Variants in SLC10A2 observed in about 807,000 individuals in gnomAD.
SLC10A2 encodes solute carrier family 10 member 2, also known as ileal sodium/bile acid cotransporter.
Under a neutral mutation model 27.1 loss-of-function variants are expected in SLC10A2, and 34 were observed. The ratio of observed to expected loss-of-function variants is 1.26; its 90% confidence interval spans 0.96 to 1.67. The LOEUF (loss-of-function observed/expected upper bound fraction) is 1.67. SLC10A2 is among the 40% of genes most tolerant of loss of function. SLC10A2 has a pLI of 0.00. For synonymous variants in SLC10A2, 205 were observed against 174.0 expected (o/e 1.18, Z -1.40); for missense variants, 530 against 444.4 (o/e 1.19, Z -1.73).
Position 103,046,180 on chromosome 13 carries a change from A to T in SLC10A2, c.1000T>A (p.Ser334Thr), listed in dbSNP as rs1364667924. The T allele has an allele frequency of 6.2e-7, 1 of 1,613,506 alleles. No individual in the cohort carries two copies. Among genetic ancestry groups the T allele is most frequent in the African/African-American group, 1.3e-5 (1 of 74,804 alleles). ...ESKENGTEPESSFYKANGGFQ... is the reference protein window; with the variant it reads ...ESKENGTEPETSFYKANGGFQ... ...CCTCCATTTGCCTTATAAAACGATG[A>T]CTCTGGCTCCGTTCCATTTTCTTTG... is the stretch of plus-strand genomic sequence containing the variant. Residue 334 changes from serine to threonine, a missense_variant, in exon 6 of 6, where the codon TCA becomes ACA. By Grantham distance (58) the Ser-to-Thr change is moderately conservative. Coordinates refer to ENST00000245312, the MANE Select transcript of SLC10A2 (RefSeq NM_000452.3).
In SLC10A2 at chr13:103,065,901, A is replaced by C; in HGVS notation, c.349T>G (p.Tyr117Asp). 1.2e-6 allele frequency: 2 copies of C among 1,614,158 alleles called. No homozygotes were observed. The highest frequency in any genetic ancestry group is 1.7e-6 in the Non-Finnish European group (2 of 1,180,016). The change falls in exon 1 of 6, where the codon TAT becomes GAT. Residue 117 changes from tyrosine (Y) to aspartate (D), a missense_variant. Physicochemically the swap from Tyr to Asp is radical, Grantham distance 160 (BLOSUM62 -3). Coordinates refer to ENST00000245312, the MANE Select transcript of SLC10A2 (RefSeq NM_000452.3). ...AGGTCCATGTCGCCATCGACCCAAT[A>C]GGCCAAGATATTGGAGGCAGTTCCT... is the stretch of plus-strand genomic sequence containing the variant. ...PGGTASNILA[Y>D]WVDGDMDLSV...
At chr13:103,060,155 A>T (rs1238286473) in intron 1 of SLC10A2, among the ~76,000 whole-genome samples, 1 of 152,108 alleles carries the variant, frequency 6.6e-6, no homozygotes, top group Non-Finnish European at 1.5e-5. Context: ...CTTCAAAGGG[A>T]TCTGTACACA....
At position 103,065,942 on chromosome 13, in the gene SLC10A2, A is replaced by G. The variant is rs765218081; in HGVS notation, c.308T>C (p.Ile103Thr). Reference protein sequence around the residue: ...LPLQAVVVLIIGCCPGGTASN... With the variant: ...LPLQAVVVLITGCCPGGTASN... ...GGCAGTTCCTCCAGGGCAGCATCCT[A>G]TAATGAGCACCACTACGGCCTGGAG... The change falls in exon 1 of 6, where the codon ATA becomes ACA. Residue 103 changes from isoleucine to threonine, a missense_variant. Physicochemically the swap from Ile to Thr is moderately conservative, Grantham distance 89. Coordinates refer to ENST00000245312, the MANE Select transcript of SLC10A2 (RefSeq NM_000452.3). 5 of 1,614,208 alleles carry G rather than the reference A, an allele frequency of 3.1e-6. No individual in the cohort carries two copies. Among genetic ancestry groups the G allele is most frequent in the South Asian group, 2.2e-5 (2 of 91,086 alleles).
rs1235911276 is a variant in SLC10A2, at chr13:103,051,278, A to G, written c.740T>C (p.Ile247Thr). The G allele has an allele frequency of 6.2e-7, 1 of 1,614,064 alleles. No homozygotes were observed. The highest frequency in any genetic ancestry group is 1.1e-5 in the South Asian group (1 of 91,084). The change falls in exon 4 of 6, where the codon ATT becomes ACT. Residue 247 changes from isoleucine to threonine, a missense_variant. Transcript: ENST00000245312. The stretch of plus-strand genomic sequence containing the variant: ...ATACCTGTACCAGGGTAGACCAGCA[A>G]TTCTAGCCAGAAGAAACCCCAGGGA... ...GYSLGFLLAR[I>T]AGLPWYRCRT...
chr13:103,049,159 C>T (rs927168285), intron 5 of SLC10A2, 130 bp downstream of exon 5: 13 of 890,852 alleles, frequency 1.5e-5, no homozygotes, highest in Middle Eastern at 2.4e-4. Context: ...GATAATATGA[C>T]GGTGGCTTTT....
chr13:103,048,130 T>C (rs1875664392), intron 5 of SLC10A2, among the ~76,000 whole-genome samples: 2 of 152,130 alleles, frequency 1.3e-5, no homozygotes, highest in Admixed American at 1.3e-4. Flanking sequence ...AGCAAAACCA[T>C]ATTTTTAGTA....
chr13:103,052,704 T>G lies in SLC10A2; in HGVS notation c.501A>C (p.Thr167=). Reference sequence around the variant, plus strand: ...CAGGAACAACGAGAGAAACCAGAGATGTACCTAAAGATGACAGAAGGGCAA... The same window carrying G: ...CAGGAACAACGAGAGAAACCAGAGAGGTACCTAAAGATGACAGAAGGGCAA... ...SIVIPYDNIG[T]SLVSLVVPVS... Residue 167 remains threonine, a synonymous_variant, in exon 3 of 6, where the codon ACA becomes ACC. Transcript: ENST00000245312. The G allele has an allele frequency of 1.9e-6, 3 of 1,593,832 alleles. No homozygotes were observed. The highest frequency in any genetic ancestry group is 1.7e-4 in the Middle Eastern group (1 of 6,028).
chr13:103,064,797 A>G (rs1170779389), intron 1 of SLC10A2, among the ~76,000 whole-genome samples: 1 of 152,188 alleles, frequency 6.6e-6, no homozygotes, highest in East Asian at 1.9e-4. Flanking sequence ...TCTTATGTGA[A>G]AGACTAAACC....
At position 103,045,733 on chromosome 13, in the gene SLC10A2, C is replaced by T; in HGVS notation, c.*400G>A. ...CGTGACCACTGTAATAATAATAATT[C>T]ATTACATCTACTTTAACATACAGAA... On this transcript the variant is annotated 3_prime_UTR_variant, in exon 6 of 6. Coordinates refer to ENST00000245312, the MANE Select transcript of SLC10A2 (RefSeq NM_000452.3). 6.1e-6 allele frequency: 1 copy of T among 163,552 alleles called. No individual in the cohort carries two copies. The highest frequency in any genetic ancestry group is 5.9e-5 in the Admixed American group (1 of 17,018). The allele number at this position is 163,552 out of a possible 1,614,324, so 10.1% of individuals were successfully genotyped here.
chr13:103,063,719 C>T lies in SLC10A2; in HGVS notation c.377+2154G>A, dbSNP rs139611923. 3.0e-4 allele frequency among the ~76,000 whole-genome samples: 46 copies of T among 152,236 alleles called. 1 individual carries two copies. The East Asian group carries it at 6.7e-3, about 22-fold the overall frequency. ...TTAACCTCTTCTCAATGATTAAGAC[C>T]GATCATGATAAACATGATTATCGGT... On this transcript the variant is annotated intron_variant, in intron 1 of 5. Coordinates refer to ENST00000245312, the MANE Select transcript of SLC10A2 (RefSeq NM_000452.3).
At chr13:103,049,209 G>A in intron 5 of SLC10A2, 80 bp downstream of exon 5, 2 of 1,449,752 alleles carry the variant, frequency 1.4e-6, no homozygotes, top group South Asian at 1.1e-5. Context: ...CAGGAACGGG[G>A]AGTTTTAAAA....
Position 103,051,365 on chromosome 13 carries a change from C to T in SLC10A2, c.653G>A (p.Ser218Asn), listed in dbSNP as rs995370927. ...IAVVGGILYQ[S>N]AWIIAPKLWI... ...CAGTTTGGGAGCAATGATCCAGGCG[C>T]TTTGGTACAATATTCCTCCAACCAC... The change falls in exon 4 of 6, where the codon AGC becomes AAC. Residue 218 changes from serine to asparagine, a missense_variant. Coordinates refer to ENST00000245312, the MANE Select transcript of SLC10A2 (RefSeq NM_000452.3). 1.9e-6 allele frequency: 3 copies of T among 1,614,046 alleles called. No individual in the cohort carries two copies. The highest frequency in any genetic ancestry group is 3.3e-5 in the Admixed American group (2 of 59,994).
rs751249235 is a variant in SLC10A2 at position 103,049,417 on chromosome 13, A to G, written c.791T>C (p.Met264Thr). Residue 264 changes from methionine to threonine, a missense_variant, in exon 5 of 6, where the codon ATG becomes ACG. Met to Thr is a moderately conservative substitution (Grantham distance 81, BLOSUM62 -1). Coordinates refer to ENST00000245312, the MANE Select transcript of SLC10A2 (RefSeq NM_000452.3). ...GGTGGAACATAGCTGCGTGTTCTGC[A>G]TCCCCGTTTCAAAAGCAACCGTTCG... ...RCRTVAFETG[M>T]QNTQLCSTIV... 6.2e-7 allele frequency: 1 copy of G among 1,614,098 alleles called. No individual in the cohort carries two copies. Among genetic ancestry groups the G allele is most frequent in the South Asian group, 1.1e-5 (1 of 91,080 alleles).
rs1876003777 is a variant in SLC10A2, at chr13:103,058,365, C to T, written c.395G>A (p.Cys132Tyr). The T allele has an allele frequency of 1.2e-6, 2 of 1,612,746 alleles. No individual in the cohort carries two copies. Among genetic ancestry groups the T allele is most frequent in the African/African-American group, 1.3e-5 (1 of 75,014 alleles). The stretch of plus-strand genomic sequence containing the variant: ...CATTCCGAGGGCAAGCAGTGTGGAG[C>T]ATGTGGTCATGCTGACGCTGAAAGG... ...DMDLSVSMTT[C>Y]STLLALGMMP... Residue 132 changes from cysteine to tyrosine, a missense_variant, in exon 2 of 6, where the codon TGC becomes TAC. Transcript: ENST00000245312.
intron 5 of SLC10A2, among the ~76,000 whole-genome samples, chr13:103,047,256 A>T (rs1875639921): frequency 6.6e-6 from 1 of 152,180 alleles, no homozygotes; most frequent in Non-Finnish European, 1.5e-5. Context: ...AGAGATAATG[A>T]CTTGCTTCAA....
At chr13:103,053,934 A>C (rs1875863299) in intron 2 of SLC10A2, among the ~76,000 whole-genome samples, 1 of 152,090 alleles carries the variant, frequency 6.6e-6, no homozygotes, top group Non-Finnish European at 1.5e-5. Context: ...TGACACACGT[A>C]CTGCTGAGAT....
At chr13:103,065,544 A>G (rs892417020) in intron 1 of SLC10A2, among the ~76,000 whole-genome samples, 6 of 152,182 alleles carry the variant, frequency 3.9e-5, no homozygotes, top group Non-Finnish European at 8.8e-5. Flanking sequence ...TGCTACCAAC[A>G]GGATAAACCT....
At chr13:103,062,206 G>A (rs75537720) in intron 1 of SLC10A2, among the ~76,000 whole-genome samples, 7,978 of 152,256 alleles carry the variant, frequency 0.052, 236 homozygotes, top group African/African-American at 0.081. Context: ...CTAACGTAGC[G>A]TATATAGGCA....
chr13:103,052,650 T>TTG lies in SLC10A2; in HGVS notation c.554_555insCA (p.Lys185AsnfsTer25), dbSNP rs1875819661. Reference sequence around the variant, plus strand: ...GTATGATCTTTGCTTTTTGGGGCCATTTGTGATTAACAAACATTCCAATGG... The same window carrying TTG: ...GTATGATCTTTGCTTTTTGGGGCCATTGTTGTGATTAACAAACATTCCAATGG... On this transcript the variant is annotated frameshift_variant, in exon 3 of 6. Coordinates refer to ENST00000245312, the MANE Select transcript of SLC10A2 (RefSeq NM_000452.3). LOFTEE classifies it high-confidence loss of function. 1 of 1,611,916 alleles carries TTG rather than the reference T, an allele frequency of 6.2e-7. No individual in the cohort carries two copies. The highest frequency in any genetic ancestry group is 1.1e-5 in the South Asian group (1 of 91,034).
Sources: allele counts gnomAD v4.1 joint callset (sites outside exome capture counted in the v4.1 genomes callset), GRCh38; gene constraint gnomAD v4.1.1; transcripts MANE v1.5; gene names NCBI Gene and HGNC (gene_info 2026-07-23, HGNC 2026-07-21).